Variants in CUX1 observed in about 807,000 individuals in gnomAD.
CUX1 encodes the protein protein CASP.
In CUX1, 31 loss-of-function variants were observed where a neutral mutation model predicts 158.8. The ratio of observed to expected loss-of-function variants is 0.20; its 90% CI spans 0.15 to 0.26. CUX1 has a LOEUF of 0.26. Ranked by LOEUF, CUX1 falls within the 10% of genes least tolerant of loss-of-function variation. The pLI, the probability that CUX1 is intolerant of heterozygous loss-of-function variation, is 1.00. For missense variants in CUX1, 1,589 were observed against 2,014.6 expected (o/e 0.79, Z 4.04); for synonymous variants, 879 against 862.1 (o/e 1.02, Z -0.34).
rs1796006529 is a variant in CUX1, at chr7:101,849,159, T to G, written c.30+31490T>G. On this transcript the variant is annotated intron_variant, in intron 1 of 23. Transcript: ENST00000292535. ...GGGGTGACAGTGGATCATCTTAGCT[T>G]TTTTTCTATTTCACGTCATTGTTCA... 2.0e-5 allele frequency among the ~76,000 whole-genome samples: 3 copies of G among 152,220 alleles called. No homozygotes were observed. In the South Asian group the frequency reaches 6.2e-4, roughly 32 times the overall value.
chr7:102,205,235 T>C, intron 20 of CUX1, 65 bp downstream of exon 20: 1 of 1,249,312 alleles, frequency 8.0e-7, no homozygotes, highest in Non-Finnish European at 1.2e-6. Context: ...TGTCCCGTGC[T>C]GTGGTCTGTC....
intron 23 of CUX1, among the ~76,000 whole-genome samples, chr7:102,247,432 G>A (rs1554537314): frequency 2.0e-5 from 3 of 152,198 alleles, no homozygotes. Context: ...CACACCAGGC[G>A]CCAGTGCAAG....
chr7:102,148,400 G>A (rs1554502675), intron 8 of CUX1, among the ~76,000 whole-genome samples: 1 of 152,000 alleles, frequency 6.6e-6, no homozygotes, highest in African/African-American at 2.4e-5. Context: ...TTAGCCAGGC[G>A]TGGTGGTGCA....
intron 2 of CUX1, among the ~76,000 whole-genome samples, chr7:101,939,058 CATATATATATATATATATATATAT>C (rs58303224): frequency 0.1 from 5,480 of 52,642 alleles, 564 homozygotes; most frequent in Non-Finnish European, 0.12. Context: ...AAAAAAAATA[CATATATATATATATATATATATAT>C]ATATATATAT....
At chr7:102,045,143 G>A (rs549803310) in intron 3 of CUX1, among the ~76,000 whole-genome samples, 7 of 152,198 alleles carry the variant, frequency 4.6e-5, no homozygotes, top group Non-Finnish European at 8.8e-5. Flanking sequence ...GGGACCCGTC[G>A]GACTGCGGCT....
At chr7:102,193,928 C>G in intron 13 of CUX1, 38 bp downstream of exon 13, 1 of 1,605,698 alleles carries the variant, frequency 6.2e-7, no homozygotes, top group Non-Finnish European at 8.5e-7. Flanking sequence ...CTAGCATCAG[C>G]CCCGCTGCTG....
At chr7:101,974,528 A>G (rs903427700) in intron 2 of CUX1, among the ~76,000 whole-genome samples, 9 of 152,204 alleles carry the variant, frequency 5.9e-5, no homozygotes, top group African/African-American at 2.2e-4. Context: ...AGCGCTGGGA[A>G]ACATCACAGG....
intron 1 of CUX1, among the ~76,000 whole-genome samples, chr7:101,912,640 C>G (rs1803629260): frequency 6.6e-6 from 1 of 152,220 alleles, no homozygotes; most frequent in African/African-American, 2.4e-5. Context: ...CTGTATCCCT[C>G]TGGAGATAAT....
chr7:102,250,198 A>C lies in CUX1; in HGVS notation c.*1156A>C, dbSNP rs1188453145. The C allele has an allele frequency of 2.0e-6, 2 of 985,296 alleles. No individual in the cohort carries two copies. Among genetic ancestry groups the C allele is most frequent in the African/African-American group, 3.5e-5 (2 of 57,220 alleles). The allele number at this position is 985,296 out of a possible 1,614,324, so 61.0% of individuals were successfully genotyped here. A position where few individuals can be genotyped will look rare whatever the true frequency, so the allele number is the denominator to read the frequency against. The stretch of plus-strand genomic sequence containing the variant: ...TTAGAACTGTAGCATGTACCTGTTA[A>C]TTTTGTTTAATTTATGGTGTCTCAA... On this transcript the variant is annotated 3_prime_UTR_variant, in exon 24 of 24. Coordinates refer to ENST00000292535, the MANE Select transcript of CUX1 (RefSeq NM_181552.4).
At position 102,196,742 on chromosome 7, in the gene CUX1, A is replaced by G. The variant is rs1554518460; in HGVS notation, c.1331A>G (p.Asn444Ser). 8 of 1,613,738 alleles carry G rather than the reference A, an allele frequency of 5.0e-6. No homozygotes were observed. The highest frequency in any genetic ancestry group is 2.2e-5 in the South Asian group (2 of 91,074). Residue 444 changes from asparagine (N) to serine (S), a missense_variant, in exon 15 of 24, where the codon AAT becomes AGT. Asn to Ser is a conservative substitution (Grantham distance 46). Transcript: ENST00000292535. ...CGCAACCCGGGGGAGCAGGCTTCCA[A>G]TACTAATGGTACACACCAGTTCTCA... ...LPRNPGEQAS[N>S]TNGTHQFSPA...
At chr7:102,200,550 A>G (rs1251200908) in intron 17 of CUX1, among the ~76,000 whole-genome samples, 1 of 152,102 alleles carries the variant, frequency 6.6e-6, no homozygotes, top group African/African-American at 2.4e-5. Context: ...CATGTCGGCC[A>G]GGCTGGTCTC....
chr7:101,930,353 G>A (rs1477399955), intron 2 of CUX1, among the ~76,000 whole-genome samples: 1 of 152,136 alleles, frequency 6.6e-6, no homozygotes, highest in Non-Finnish European at 1.5e-5. Context: ...CTTAACTTAC[G>A]GAATTGATTA....
chr7:102,214,380 C>T (rs993347993), intron 20 of CUX1, among the ~76,000 whole-genome samples: 3 of 151,138 alleles, frequency 2.0e-5, no homozygotes, highest in Non-Finnish European at 4.4e-5. Context: ...AAAATTTAGC[C>T]GAGCATGGTG....
At chr7:101,845,888 A>G (rs1308102660) in intron 1 of CUX1, among the ~76,000 whole-genome samples, 1 of 152,130 alleles carries the variant, frequency 6.6e-6, no homozygotes, top group Non-Finnish European at 1.5e-5. Context: ...CATGCATGTA[A>G]TCCCAGCTAC....
chr7:102,206,757 A>G (rs114943104), intron 20 of CUX1, among the ~76,000 whole-genome samples: 2,444 of 152,140 alleles, frequency 0.016, 61 homozygotes, highest in African/African-American at 0.055. Context: ...AAATTAGCTG[A>G]GTGTGGTGGT....
At chr7:102,059,705 G>A (rs1047425129) in intron 3 of CUX1, among the ~76,000 whole-genome samples, 3 of 151,496 alleles carry the variant, frequency 2.0e-5, no homozygotes, top group Non-Finnish European at 2.9e-5. Flanking sequence ...GACAGCATCC[G>A]ACTCAGTCTT....
intron 3 of CUX1, among the ~76,000 whole-genome samples, chr7:102,046,751 A>T (rs1489937711): frequency 1.4e-5 from 2 of 146,734 alleles, no homozygotes; most frequent in Admixed American, 6.8e-5. Context: ...TAATTTTTGC[A>T]TTTTTTTTTT....
intron 22 of CUX1, among the ~76,000 whole-genome samples, chr7:102,234,651 G>A (rs369034373): frequency 3.9e-5 from 6 of 151,946 alleles, no homozygotes; most frequent in African/African-American, 1.4e-4. Flanking sequence ...AGGGCACGGC[G>A]GCTCACGCCT....
Position 101,964,627 on chromosome 7 carries a change from G to C in CUX1, c.141+48402G>C, listed in dbSNP as rs113465723. 9.9e-5 allele frequency among the ~76,000 whole-genome samples: 15 copies of C among 152,242 alleles called. 3 individuals are homozygous for C. Among genetic ancestry groups the C allele is most frequent in the African/African-American group, 2.9e-4 (12 of 41,560 alleles). On this transcript the variant is annotated intron_variant, in intron 2 of 23. Transcript: ENST00000292535. ...CTAGAAACCACGCCTCCATTGGACA[G>C]GCTTTGGGAGTACTGGCTCCAGTGA...
Sources: allele counts gnomAD v4.1 joint callset (sites outside exome capture counted in the v4.1 genomes callset), GRCh38; gene constraint gnomAD v4.1.1; transcripts MANE v1.5; gene names NCBI Gene and HGNC (gene_info 2026-07-23, HGNC 2026-07-21).